Variants in SPATA17 observed in about 807,000 individuals in gnomAD.
The protein encoded by SPATA17 is spermatogenesis-associated protein 17.
A neutral mutation model predicts 62.2 loss-of-function variants in SPATA17; 53 were observed. The ratio of observed to expected loss-of-function variants is 0.85; its 90% CI spans 0.68 to 1.07. The LOEUF is 1.07. SPATA17 is among the 50% of genes least tolerant of loss of function. The pLI is 0.00. For synonymous variants in SPATA17, 146 were observed against 146.8 expected (o/e 0.99, Z 0.04); for missense variants, 466 against 425.5 (o/e 1.10, Z -0.84).
chr1:217,850,812 C>G (rs977205880), intron 9 of SPATA17, among the ~76,000 whole-genome samples: 1 of 151,952 alleles, frequency 6.6e-6, no homozygotes, highest in Non-Finnish European at 1.5e-5. Context: ...AACACAAAAG[C>G]CTGAATTCTT....
intron 8 of SPATA17, among the ~76,000 whole-genome samples, chr1:217,799,058 T>G (rs1335350352): frequency 6.6e-6 from 1 of 152,112 alleles, no homozygotes; most frequent in African/African-American, 2.4e-5. Flanking sequence ...TTAATGTTAG[T>G]AGCTATTTAT....
rs1225521677 is a variant in SPATA17 at position 217,801,862 on chromosome 1, A to G, written c.1005+12A>G. Reference sequence around the variant, plus strand: ...GGATCTGTGACAAGGTGAGTTAACAAAACATTTTAAAAAGTTATTCCTTTT... The same window carrying G: ...GGATCTGTGACAAGGTGAGTTAACAGAACATTTTAAAAAGTTATTCCTTTT... On this transcript the variant is annotated intron_variant, in intron 9 of 10. Transcript: ENST00000366933. 1.8e-5 allele frequency: 29 copies of G among 1,590,596 alleles called. 1 individual carries two copies. The highest frequency in any genetic ancestry group is 1.1e-4 in the East Asian group (5 of 44,592).
chr1:217,658,489 A>T (rs997381679), intron 3 of SPATA17, among the ~76,000 whole-genome samples: 13 of 152,014 alleles, frequency 8.6e-5, no homozygotes, highest in East Asian at 3.9e-4. Flanking sequence ...CCGGGTGTGG[A>T]GGCTCACACC....
At chr1:217,679,279 T>G (rs1036764283) in intron 4 of SPATA17, among the ~76,000 whole-genome samples, 1 of 152,186 alleles carries the variant, frequency 6.6e-6, no homozygotes, top group Non-Finnish European at 1.5e-5. Flanking sequence ...AAACCTGGGT[T>G]TGTATCCTGA....
At chr1:217,858,904 T>TGTAATCC (rs559487516) in intron 9 of SPATA17, among the ~76,000 whole-genome samples, 99 of 151,710 alleles carry the variant, frequency 6.5e-4, no homozygotes, top group South Asian at 5.0e-3. Flanking sequence ...GATGTGTGCC[T>TGTAATCC]GTAATCCCAG....
At chr1:217,700,981 T>C (rs952786882) in intron 5 of SPATA17, among the ~76,000 whole-genome samples, 1 of 151,924 alleles carries the variant, frequency 6.6e-6, no homozygotes, top group Non-Finnish European at 1.5e-5. Context: ...TTATATTATT[T>C]ATTTATTTTT....
intron 6 of SPATA17, among the ~76,000 whole-genome samples, chr1:217,747,220 T>A (rs567312128): frequency 6.6e-6 from 1 of 152,274 alleles, no homozygotes; most frequent in South Asian, 2.1e-4. Flanking sequence ...TTATTTTGAT[T>A]CAGTAACTAG....
intron 9 of SPATA17, among the ~76,000 whole-genome samples, chr1:217,827,109 A>G (rs933387495): frequency 6.6e-6 from 1 of 151,988 alleles, no homozygotes; most frequent in African/African-American, 2.4e-5. Context: ...CTCTGTTTTC[A>G]TGGTGTATTA....
chr1:217,841,048 T>A (rs1364273650), intron 9 of SPATA17, among the ~76,000 whole-genome samples: 1 of 151,828 alleles, frequency 6.6e-6, no homozygotes, highest in East Asian at 1.9e-4. Flanking sequence ...ATTAAAAAAT[T>A]TCTTTTGGTT....
Position 217,769,208 on chromosome 1 carries a change from G to GA in SPATA17, c.520-5118dup, listed in dbSNP as rs1480012249. ...GCAATATTTATTTTCCATCATGTGA[G>GA]AAAAAAAATCAAAGTGTACCTTTCG... On this transcript the variant is annotated intron_variant, in intron 6 of 10. Transcript: ENST00000366933. Among the ~76,000 whole-genome samples, 4 of 151,982 alleles carry GA rather than the reference G, an allele frequency of 2.6e-5. No individual in the cohort carries two copies. The East Asian group carries it at 5.8e-4, about 22-fold the overall frequency.
At chr1:217,805,296 A>G (rs933640760) in intron 9 of SPATA17, among the ~76,000 whole-genome samples, 3 of 152,220 alleles carry the variant, frequency 2.0e-5, no homozygotes, top group African/African-American at 7.2e-5. Flanking sequence ...CAAATACTGC[A>G]TGGTCTCATT....
intron 5 of SPATA17, among the ~76,000 whole-genome samples, chr1:217,700,522 C>T (rs1412891547): frequency 6.6e-6 from 1 of 152,096 alleles, no homozygotes. Context: ...AATACACACC[C>T]ATAGTTTTAC....
At chr1:217,702,594 A>G (rs1302800203) in intron 5 of SPATA17, among the ~76,000 whole-genome samples, 1 of 152,184 alleles carries the variant, frequency 6.6e-6, no homozygotes, top group Non-Finnish European at 1.5e-5. Context: ...CCAGGATAGC[A>G]TTTTTAGAAT....
chr1:217,850,406 A>T, intron 9 of SPATA17: 5 of 1,164,178 alleles, frequency 4.3e-6, no homozygotes, highest in Non-Finnish European at 6.3e-6. Context: ...AAGAACTAAC[A>T]GCCACATCTC....
intron 7 of SPATA17, among the ~76,000 whole-genome samples, chr1:217,780,975 G>T (rs1470421948): frequency 1.3e-5 from 2 of 151,938 alleles, no homozygotes; most frequent in Admixed American, 6.6e-5. Flanking sequence ...AGTCCCATTT[G>T]ATTTCTTAAT....
chr1:217,666,121 G>A (rs150920171), intron 3 of SPATA17, among the ~76,000 whole-genome samples: 6 of 151,506 alleles, frequency 4.0e-5, no homozygotes, highest in African/African-American at 7.3e-5. Flanking sequence ...CTTAATTTTC[G>A]CCCGAGATCT....
At chr1:217,690,514 G>C (rs1206516783) in intron 5 of SPATA17, among the ~76,000 whole-genome samples, 1 of 124,436 alleles carries the variant, frequency 8.0e-6, no homozygotes, top group African/African-American at 3.0e-5. Context: ...TATACTTTAA[G>C]TTTTAGGGTA....
intron 5 of SPATA17, among the ~76,000 whole-genome samples, chr1:217,687,628 C>T (rs567798645): frequency 6.6e-6 from 1 of 152,238 alleles, no homozygotes; most frequent in East Asian, 1.9e-4. Flanking sequence ...TTTGTAGCCT[C>T]GGAGCCAGAA....
At chr1:217,655,048 A>G (rs1223648139) in intron 3 of SPATA17, among the ~76,000 whole-genome samples, 1 of 152,192 alleles carries the variant, frequency 6.6e-6, no homozygotes, top group Non-Finnish European at 1.5e-5. Context: ...CAGGAAATTG[A>G]CATCTGTACA....
Sources: allele counts gnomAD v4.1 joint callset (sites outside exome capture counted in the v4.1 genomes callset), GRCh38; gene constraint gnomAD v4.1.1; transcripts MANE v1.5; gene names NCBI Gene and HGNC (gene_info 2026-07-23, HGNC 2026-07-21).